Variants in RIMS1 observed in about 807,000 individuals in gnomAD.
The protein encoded by RIMS1 is regulating synaptic membrane exocytosis 1, also known as regulating synaptic membrane exocytosis protein 1.
Under a neutral mutation model 214.1 loss-of-function variants are expected in RIMS1, and 83 were observed. The observed-to-expected ratio is 0.39, with a 90% CI of 0.32 to 0.47. The LOEUF (loss-of-function observed/expected upper bound fraction) is 0.47. RIMS1 is among the 20% of genes least tolerant of loss of function. The pLI is 0.99. For missense variants in RIMS1, 2,050 were observed against 2,161.8 expected (o/e 0.95, Z 1.03); for synonymous variants, 793 against 786.8 (o/e 1.01, Z -0.13).
chr6:72,240,972 C>T (rs560528110), intron 9 of RIMS1, among the ~76,000 whole-genome samples: 4 of 152,108 alleles, frequency 2.6e-5, no homozygotes, highest in Admixed American at 1.3e-4. Flanking sequence ...GCCGAGATTG[C>T]GCCACTGCAC....
At chr6:72,007,425 C>T (rs1244313469) in intron 2 of RIMS1, among the ~76,000 whole-genome samples, 2 of 152,190 alleles carry the variant, frequency 1.3e-5, no homozygotes, top group East Asian at 1.9e-4. Context: ...GTCTCTCCTC[C>T]TCCAAAGGAA....
rs142463088 is a variant in RIMS1, at chr6:72,055,908, T to C, written c.246-41041T>C. 4.6e-5 allele frequency among the ~76,000 whole-genome samples: 7 copies of C among 152,300 alleles called. No individual in the cohort carries two copies. The East Asian group carries it at 9.6e-4, about 21-fold the overall frequency. The stretch of plus-strand genomic sequence containing the variant: ...AACATTTGACCCAGGAATCCCATTA[T>C]TGAGTATACGCCCAAAGGAATAAAA... On this transcript the variant is annotated intron_variant, in intron 2 of 33. Coordinates refer to ENST00000521978, the MANE Select transcript of RIMS1 (RefSeq NM_014989.7).
chr6:72,169,365 A>C (rs2046708532), intron 4 of RIMS1, among the ~76,000 whole-genome samples: 1 of 152,224 alleles, frequency 6.6e-6, no homozygotes, highest in Non-Finnish European at 1.5e-5. Flanking sequence ...GGAAAACTTT[A>C]CATCTTTCAT....
intron 1 of RIMS1, among the ~76,000 whole-genome samples, chr6:71,890,291 A>C (rs1268458277): frequency 6.6e-6 from 1 of 151,932 alleles, no homozygotes; most frequent in African/African-American, 2.4e-5. Flanking sequence ...TTTTAAGTTT[A>C]ATGGCCATAT....
chr6:72,399,068 G>A lies in RIMS1; in HGVS notation c.4834G>A (p.Glu1612Lys). 3 of 1,608,598 alleles carry A rather than the reference G, an allele frequency of 1.9e-6. No homozygotes were observed. The highest frequency in any genetic ancestry group is 2.5e-6 in the Non-Finnish European group (3 of 1,177,052). The change falls in exon 33 of 34, where the codon GAA becomes AAA. Residue 1612 changes from glutamate to lysine, a missense_variant. This residue lies in a region of RIMS1 where 121 missense variants were observed against 187.3 expected (regional missense o/e 0.65). Coordinates refer to ENST00000521978, the MANE Select transcript of RIMS1 (RefSeq NM_014989.7). ...PLYQQSLVFD[E>K]SPQGKVLQVI... ...GTATCAGCAGTCTCTGGTTTTTGATGAAAGTCCACAGGGTAAAGTTCTTCA... is the reference window on the plus strand; with the variant it reads ...GTATCAGCAGTCTCTGGTTTTTGATAAAAGTCCACAGGGTAAAGTTCTTCA...
At chr6:72,215,108 G>T (rs945186763) in intron 6 of RIMS1, among the ~76,000 whole-genome samples, 3 of 152,200 alleles carry the variant, frequency 2.0e-5, no homozygotes, top group Non-Finnish European at 2.9e-5. Context: ...GTTGTTGAAA[G>T]TTTTGACTCC....
chr6:72,381,544 T>G (rs949026270), intron 29 of RIMS1, among the ~76,000 whole-genome samples: 1 of 152,252 alleles, frequency 6.6e-6, no homozygotes, highest in East Asian at 1.9e-4. Context: ...TGTTTCAGTG[T>G]ATACAAATCT....
intron 26 of RIMS1, among the ~76,000 whole-genome samples, chr6:72,303,514 T>C (rs2094843631): frequency 5.3e-5 from 8 of 151,326 alleles, no homozygotes; most frequent in Admixed American, 5.3e-4. Flanking sequence ...TAAATTATAT[T>C]TATTTTTCTT....
At chr6:72,222,941 C>T (rs2058989902) in intron 6 of RIMS1, among the ~76,000 whole-genome samples, 1 of 152,166 alleles carries the variant, frequency 6.6e-6, no homozygotes, top group Non-Finnish European at 1.5e-5. Flanking sequence ...CACATAGACT[C>T]TTAGCTGATT....
intron 2 of RIMS1, among the ~76,000 whole-genome samples, chr6:72,083,609 T>C (rs1833944275): frequency 6.6e-6 from 1 of 152,166 alleles, no homozygotes; most frequent in Non-Finnish European, 1.5e-5. Context: ...ATCAGCTAAG[T>C]GTACTCAGAA....
At chr6:71,921,134 TA>T (rs1218109700) in intron 1 of RIMS1, among the ~76,000 whole-genome samples, 1 of 152,118 alleles carries the variant, frequency 6.6e-6, no homozygotes, top group East Asian at 1.9e-4. Context: ...TATTTTATTT[TA>T]TTTTATTTTT....
rs115848549 is a variant in RIMS1 at position 71,982,091 on chromosome 6, G to A, written c.245+13028G>A. On this transcript the variant is annotated intron_variant, in intron 2 of 33. Coordinates refer to ENST00000521978, the MANE Select transcript of RIMS1 (RefSeq NM_014989.7). ...TGGAGTAGAGGATATGGAGGATCAG[G>A]GAGGAGAATAAAGGCATCTTTCATT... Among the ~76,000 whole-genome samples the A allele has an allele frequency of 3.8e-3, 576 of 152,194 alleles. 7 individuals are homozygous for A. Among genetic ancestry groups the A allele is most frequent in the African/African-American group, 0.013 (547 of 41,532 alleles).
chr6:71,970,013 TGTATATTACATACA>T, intron 2 of RIMS1, among the ~76,000 whole-genome samples: 1 of 152,300 alleles, frequency 6.6e-6, no homozygotes, highest in East Asian at 1.9e-4. Flanking sequence ...GCTTATATTT[TGTATATTACATACA>T]GTAACATATC....
At chr6:72,153,883 A>T (rs578178333) in intron 4 of RIMS1, among the ~76,000 whole-genome samples, 4 of 152,220 alleles carry the variant, frequency 2.6e-5, no homozygotes, top group Admixed American at 6.5e-5. Flanking sequence ...TTAAAATTTT[A>T]AAAACGTACA....
intron 1 of RIMS1, among the ~76,000 whole-genome samples, chr6:71,918,993 TA>T (rs1173028172): frequency 6.6e-6 from 1 of 152,088 alleles, no homozygotes; most frequent in Admixed American, 6.6e-5. Context: ...CAGCAAAGAT[TA>T]AAGCAAATCT....
chr6:72,023,442 T>C (rs1291337327), intron 2 of RIMS1, among the ~76,000 whole-genome samples: 1 of 152,114 alleles, frequency 6.6e-6, no homozygotes, highest in South Asian at 2.1e-4. Flanking sequence ...TTTTTGTTAT[T>C]AAAGTATCTA....
intron 4 of RIMS1, among the ~76,000 whole-genome samples, chr6:72,161,138 T>C (rs1288672651): frequency 1.4e-5 from 2 of 140,858 alleles, no homozygotes; most frequent in East Asian, 2.0e-4. Context: ...TCAAGGAATT[T>C]ATCCATTTCT....
rs542246064 is a variant in RIMS1 at position 72,387,627 on chromosome 6, A to G, written c.4367-2971A>G. On this transcript the variant is annotated intron_variant, in intron 29 of 33. Coordinates refer to ENST00000521978, the MANE Select transcript of RIMS1 (RefSeq NM_014989.7). ...CTTCGGTAAGTGTGCACGTTCCACAATGACAAGTCAAGTGGACAAGACAGA... is the reference window on the plus strand; with the variant it reads ...CTTCGGTAAGTGTGCACGTTCCACAGTGACAAGTCAAGTGGACAAGACAGA... Among the ~76,000 whole-genome samples the G allele has an allele frequency of 4.6e-5, 7 of 152,366 alleles. No homozygotes were observed. The East Asian group carries it at 5.8e-4, about 13-fold the overall frequency.
chr6:72,125,784 C>T (rs1183035678), intron 4 of RIMS1, among the ~76,000 whole-genome samples: 2 of 152,178 alleles, frequency 1.3e-5, no homozygotes, highest in Non-Finnish European at 1.5e-5. Context: ...GGACGTGGGA[C>T]CCACCAAGCC....
Sources: allele counts gnomAD v4.1 joint callset (sites outside exome capture counted in the v4.1 genomes callset), GRCh38; gene constraint gnomAD v4.1.1; regional missense constraint gnomAD v4.1.1; transcripts MANE v1.5; gene names NCBI Gene and HGNC (gene_info 2026-07-23, HGNC 2026-07-21).